GRM5: variants seen among roughly 807,000 people sequenced by gnomAD.
GRM5 encodes metabotropic glutamate receptor 5.
In GRM5, 19 loss-of-function variants were observed where a neutral mutation model predicts 83.1. That is an observed-to-expected ratio of 0.23 (90% confidence interval 0.16 to 0.34). The LOEUF (loss-of-function observed/expected upper bound fraction) is 0.34. GRM5 is among the 10% of genes least tolerant of loss of function. The pLI, the probability that GRM5 is intolerant of heterozygous loss-of-function variation, is 1.00. For synonymous variants in GRM5, 675 were observed against 633.6 expected (o/e 1.07, Z -0.98); for missense variants, 1,160 against 1,588.3 (o/e 0.73, Z 4.58).
chr11:89,009,929 A>AAACAC (rs752780249), intron 2 of GRM5, among the ~76,000 whole-genome samples: 2 of 102,334 alleles, frequency 2.0e-5, no homozygotes, highest in Non-Finnish European at 3.9e-5. Context: ...AAAAAAAAAA[A>AAACAC]ACACACACAA....
chr11:88,747,791 A>G (rs1942174554), intron 3 of GRM5, among the ~76,000 whole-genome samples: 1 of 148,462 alleles, frequency 6.7e-6, no homozygotes, highest in Non-Finnish European at 1.5e-5. Flanking sequence ...TAGTTGTTCA[A>G]CCACCTTCTG....
chr11:88,753,663 G>A (rs900780378), intron 3 of GRM5, among the ~76,000 whole-genome samples: 1 of 152,068 alleles, frequency 6.6e-6, no homozygotes, highest in East Asian at 1.9e-4. Context: ...CAAAGACATG[G>A]AATCAACCTA....
chr11:88,877,079 A>T (rs1405511962), intron 2 of GRM5, among the ~76,000 whole-genome samples: 4 of 152,058 alleles, frequency 2.6e-5, no homozygotes, highest in Admixed American at 2.6e-4. Context: ...AGCAGGGAAG[A>T]GGGGAGGGGA....
At position 88,687,579 on chromosome 11, in the gene GRM5, AATAT is replaced by A. The variant is rs1242323998; in HGVS notation, c.912-34180_912-34177del. ...ATATATATTATATATATATATATATAATATATATATATATATATTCTCCACATGT... is the reference window on the plus strand; with the variant it reads ...ATATATATTATATATATATATATATAATATATATATATATTCTCCACATGT... On this transcript the variant is annotated intron_variant, in intron 3 of 9. Coordinates refer to ENST00000305447, the MANE Select transcript of GRM5 (RefSeq NM_001143831.3). Among the ~76,000 whole-genome samples the A allele has an allele frequency of 4.3e-5, 2 of 46,880 alleles. 1 individual carries two copies. The highest frequency in any genetic ancestry group is 3.9e-4 in the African/African-American group (2 of 5,128). The allele number at this position is 46,880 out of a possible 152,430, so 30.8% of individuals were successfully genotyped here.
At chr11:89,039,024 G>A (rs1329326865) in intron 2 of GRM5, among the ~76,000 whole-genome samples, 3 of 152,068 alleles carry the variant, frequency 2.0e-5, no homozygotes, top group African/African-American at 7.2e-5. Context: ...CCAGCACTTT[G>A]GAAGTCCAAG....
At chr11:88,715,753 A>T (rs1209860150) in intron 3 of GRM5, among the ~76,000 whole-genome samples, 1 of 152,018 alleles carries the variant, frequency 6.6e-6, no homozygotes, top group Non-Finnish European at 1.5e-5. Context: ...AAAGGAAGAT[A>T]TAGTGGAGAA....
chr11:88,546,264 A>G (rs969527093), intron 8 of GRM5, among the ~76,000 whole-genome samples: 1 of 151,724 alleles, frequency 6.6e-6, no homozygotes, highest in Non-Finnish European at 1.5e-5. Context: ...AATTAATACT[A>G]TGTATTTGTT....
intron 2 of GRM5, among the ~76,000 whole-genome samples, chr11:88,888,410 C>A (rs1383939457): frequency 6.6e-6 from 1 of 152,154 alleles, no homozygotes; most frequent in Non-Finnish European, 1.5e-5. Context: ...ACACCATTCC[C>A]AGCAGGAAGA....
At chr11:88,895,071 C>G (rs1310642960) in intron 2 of GRM5, among the ~76,000 whole-genome samples, 2 of 151,848 alleles carry the variant, frequency 1.3e-5, no homozygotes, top group Non-Finnish European at 2.9e-5. Context: ...ATACATATTA[C>G]TGGAATTAAG....
intron 2 of GRM5, among the ~76,000 whole-genome samples, chr11:89,000,701 G>A (rs2135068559): frequency 6.6e-6 from 1 of 152,136 alleles, no homozygotes; most frequent in East Asian, 1.9e-4. Context: ...ATTGTAAATA[G>A]AGCTTCAACA....
intron 2 of GRM5, among the ~76,000 whole-genome samples, chr11:89,009,794 G>C (rs1254954544): frequency 6.7e-6 from 1 of 149,096 alleles, no homozygotes; most frequent in Non-Finnish European, 1.5e-5. Flanking sequence ...CCAGCTACTC[G>C]GGAGGCTGAG....
intron 3 of GRM5, among the ~76,000 whole-genome samples, chr11:88,820,879 A>G (rs1316191368): frequency 6.6e-6 from 1 of 152,264 alleles, no homozygotes; most frequent in Non-Finnish European, 1.5e-5. Context: ...TAAAATTTGC[A>G]TAAGCGAACA....
chr11:88,575,272 G>T (rs1031144927), intron 7 of GRM5, among the ~76,000 whole-genome samples: 2 of 152,026 alleles, frequency 1.3e-5, no homozygotes, highest in African/African-American at 4.8e-5. Context: ...TGTTATTCCA[G>T]AAATTTTATG....
chr11:89,038,106 A>G (rs1671506865), intron 2 of GRM5, among the ~76,000 whole-genome samples: 1 of 151,908 alleles, frequency 6.6e-6, no homozygotes, highest in African/African-American at 2.4e-5. Flanking sequence ...CTATTTGAAA[A>G]AAAAGAAAAA....
chr11:88,582,790 G>T (rs755491772), intron 7 of GRM5, among the ~76,000 whole-genome samples: 1 of 152,056 alleles, frequency 6.6e-6, no homozygotes, highest in Non-Finnish European at 1.5e-5. Flanking sequence ...GCAGCCTGGA[G>T]ATAATTAACA....
At chr11:88,959,762 C>T (rs1021234341) in intron 2 of GRM5, among the ~76,000 whole-genome samples, 3 of 152,084 alleles carry the variant, frequency 2.0e-5, no homozygotes, top group Admixed American at 6.6e-5. Context: ...AGAACCACTG[C>T]CTAGCCAGGA....
At chr11:89,054,327 C>G (rs1941825270) in intron 1 of GRM5, among the ~76,000 whole-genome samples, 1 of 152,008 alleles carries the variant, frequency 6.6e-6, no homozygotes, top group African/African-American at 2.4e-5. Context: ...GATTTTCAGC[C>G]CGAACACAAA....
At position 88,971,045 on chromosome 11, in the gene GRM5, G is replaced by A. The variant is rs147794068; in HGVS notation, c.661+76167C>T. Among the ~76,000 whole-genome samples the A allele has an allele frequency of 7.8e-3, 1,187 of 151,532 alleles. 10 individuals carry two copies. Among genetic ancestry groups the A allele is most frequent in the African/African-American group, 0.021 (857 of 40,966 alleles). On this transcript the variant is annotated intron_variant, in intron 2 of 9. Coordinates refer to ENST00000305447, the MANE Select transcript of GRM5 (RefSeq NM_001143831.3). ...TCATGGTGAGGAGTTTGTTAACAAC[G>A]GCAGGACTGAATAAATTAGGAAATT... is the stretch of plus-strand genomic sequence containing the variant.
At chr11:88,971,835 T>G (rs973445796) in intron 2 of GRM5, among the ~76,000 whole-genome samples, 5 of 152,100 alleles carry the variant, frequency 3.3e-5, no homozygotes, top group African/African-American at 1.2e-4. Context: ...TTCTAGATAC[T>G]AGGGAGCCAG....
Sources: gnomAD v4.1 joint callset for allele counts (sites outside exome capture counted in the v4.1 genomes callset) on GRCh38, gnomAD v4.1.1 for gene constraint, MANE v1.5 for transcripts, NCBI Gene and HGNC (gene_info 2026-07-23, HGNC 2026-07-21) for gene names.